ATL2: variants seen among roughly 807,000 people sequenced by gnomAD.
ATL2 encodes atlastin GTPase 2.
Under a neutral mutation model 73.9 loss-of-function variants are expected in ATL2, and 31 were observed. The observed-to-expected ratio is 0.42, with a 90% CI of 0.32 to 0.57. The LOEUF is 0.57. ATL2 is among the 20% of genes least tolerant of loss of function. ATL2 has a pLI of 0.14. For missense variants in ATL2, 738 were observed against 702.6 expected (o/e 1.05, Z -0.57); for synonymous variants, 291 against 237.5 (o/e 1.23, Z -2.07).
intron 9 of ATL2, among the ~76,000 whole-genome samples, chr2:38,308,541 C>A (rs945888702): frequency 6.6e-6 from 1 of 151,654 alleles, no homozygotes; most frequent in Non-Finnish European, 1.5e-5. Context: ...TATTTGATAG[C>A]ATAACAATGT....
At chr2:38,347,534 GT>G (rs891747665) in intron 1 of ATL2, among the ~76,000 whole-genome samples, 129 of 152,130 alleles carry the variant, frequency 8.5e-4, no homozygotes, top group Admixed American at 1.8e-3. Context: ...TTTATTCATA[GT>G]TTTTTTCAAT....
intron 2 of ATL2, among the ~76,000 whole-genome samples, chr2:38,325,017 A>C (rs138130924): frequency 1.3e-5 from 2 of 152,334 alleles, no homozygotes; most frequent in African/African-American, 4.8e-5. Flanking sequence ...ACACTTACAA[A>C]TGGTTAAAGA....
upstream of ATL2, among the ~76,000 whole-genome samples, chr2:38,378,037 C>G (rs573918576): frequency 2.0e-5 from 3 of 152,276 alleles, no homozygotes; most frequent in African/African-American, 7.2e-5. Context: ...TGTGATGAAC[C>G]TTCTTCTGGG....
chr2:38,311,955 T>C (rs1367846088), intron 7 of ATL2, among the ~76,000 whole-genome samples: 1 of 152,112 alleles, frequency 6.6e-6, no homozygotes, highest in Non-Finnish European at 1.5e-5. Flanking sequence ...AAAAGTGGGG[T>C]CTGGAAATGC....
chr2:38,337,893 G>A (rs1669466126), intron 2 of ATL2, among the ~76,000 whole-genome samples: 1 of 152,140 alleles, frequency 6.6e-6, no homozygotes, highest in Admixed American at 6.6e-5. Flanking sequence ...CCTTATCTAG[G>A]AGAATTTAGT....
At chr2:38,377,826 T>G (rs959414766), upstream of ATL2, among the ~76,000 whole-genome samples, 2 of 150,980 alleles carry the variant, frequency 1.3e-5, no homozygotes, top group Admixed American at 6.6e-5. Flanking sequence ...GATCTTTTCT[T>G]TCCTCACCCA....
chr2:38,325,404 G>A (rs1160453589), intron 2 of ATL2, among the ~76,000 whole-genome samples: 1 of 152,024 alleles, frequency 6.6e-6, no homozygotes. Flanking sequence ...CAATTTCAAT[G>A]AATTGTCAGA....
intron 2 of ATL2, among the ~76,000 whole-genome samples, chr2:38,325,726 A>AG (rs1668611604): frequency 8.4e-6 from 1 of 118,700 alleles, no homozygotes; most frequent in African/African-American, 5.6e-5. Context: ...ACACACACAC[A>AG]CACACACACA....
chr2:38,307,106 C>T (rs1423533221), intron 9 of ATL2, among the ~76,000 whole-genome samples: 7 of 152,034 alleles, frequency 4.6e-5, no homozygotes, highest in Non-Finnish European at 1.0e-4. Flanking sequence ...ACCTGTAATC[C>T]CAGCACTTTG....
At chr2:38,374,848 A>G (rs1671872970) in intron 1 of ATL2, among the ~76,000 whole-genome samples, 1 of 152,264 alleles carries the variant, frequency 6.6e-6, no homozygotes, top group African/African-American at 2.4e-5. Flanking sequence ...CCAAAACTTT[A>G]AAGTTACAAT....
At chr2:38,314,328 T>C (rs570783208) in intron 6 of ATL2, among the ~76,000 whole-genome samples, 24 of 152,340 alleles carry the variant, frequency 1.6e-4, no homozygotes, top group Admixed American at 7.2e-4. Flanking sequence ...ATATATTTCC[T>C]ATTGTCTTAA....
chr2:38,334,901 ATT>A (rs1491449211), intron 2 of ATL2, among the ~76,000 whole-genome samples: 17 of 23,042 alleles, frequency 7.4e-4, no homozygotes, highest in Non-Finnish European at 1.6e-3. Context: ...AATATATATT[ATT>A]TATAATATAT....
rs1245734273 is a variant in ATL2, at chr2:38,294,274, C to A, written c.*1720G>T. 1.3e-5 allele frequency among the ~76,000 whole-genome samples: 2 copies of A among 152,214 alleles called. No homozygotes were observed. The highest frequency in any genetic ancestry group is 2.9e-5 in the Non-Finnish European group (2 of 68,034). On this transcript the variant is annotated 3_prime_UTR_variant, in exon 13 of 13. Coordinates refer to ENST00000378954, the MANE Select transcript of ATL2 (RefSeq NM_001135673.4). ...CTTAAAAAGCAAACTAAGGGCCGGG[C>A]GCGGTGGCTCACGCCTGTAATCCCA...
At chr2:38,320,731 C>A (rs1668274254) in intron 2 of ATL2, among the ~76,000 whole-genome samples, 1 of 152,116 alleles carries the variant, frequency 6.6e-6, no homozygotes, top group African/African-American at 2.4e-5. Context: ...GCTTGGATAT[C>A]TAGTCTAAAA....
rs959908434 is a variant in ATL2, at chr2:38,318,633, C to T, written c.505G>A (p.Val169Met). 5 of 1,596,506 alleles carry T rather than the reference C, an allele frequency of 3.1e-6. No homozygotes were observed. The highest frequency in any genetic ancestry group is 2.7e-5 in the African/African-American group (2 of 73,654). The change falls in exon 4 of 13, where the codon GTG becomes ATG. Residue 169 changes from valine to methionine, a missense_variant. Coordinates refer to ENST00000378954, the MANE Select transcript of ATL2 (RefSeq NM_001135673.4). ...GCACCCTGGGTATCCATAAGCAGCA[C>T]AGCAACCTAGGAATTTGAGAGTTTA... is the stretch of plus-strand genomic sequence containing the variant. The part of the protein sequence containing the change: ...IDRPNGTKVA[V>M]LLMDTQGAFD...
chr2:38,313,075 G>T, intron 7 of ATL2, 76 bp downstream of exon 7: 1 of 968,904 alleles, frequency 1.0e-6, no homozygotes, highest in South Asian at 1.5e-5. Flanking sequence ...CTGGTAATGT[G>T]ACCAGCAGTC....
chr2:38,368,479 C>T (rs1292776546), intron 1 of ATL2, among the ~76,000 whole-genome samples: 6 of 151,950 alleles, frequency 3.9e-5, no homozygotes, highest in African/African-American at 1.5e-4. Context: ...CTCGAACTCC[C>T]CACCTCAGGT....
chr2:38,358,377 T>A (rs980665808), intron 1 of ATL2: 1 of 154,490 alleles, frequency 6.5e-6, no homozygotes, highest in East Asian at 1.9e-4. Context: ...CATAAAACAA[T>A]CTCTACTTAA....
chr2:38,336,874 G>A (rs1269223309), intron 2 of ATL2, among the ~76,000 whole-genome samples: 1 of 152,142 alleles, frequency 6.6e-6, no homozygotes. Flanking sequence ...AATAGTATGT[G>A]CTTCCTAATG....
Sources: gnomAD v4.1 joint callset for allele counts (sites outside exome capture counted in the v4.1 genomes callset) on GRCh38, gnomAD v4.1.1 for gene constraint, MANE v1.5 for transcripts, NCBI Gene and HGNC (gene_info 2026-07-23, HGNC 2026-07-21) for gene names.